Variants in PABPC4L observed in about 807,000 individuals in gnomAD.
PABPC4L encodes the protein poly(A) binding protein cytoplasmic 4 like.
For missense variants in PABPC4L, 452 were observed against 451.4 expected, an observed-to-expected ratio of 1.00 and a Z score of -0.01; for synonymous variants, 169 against 164.1, an observed-to-expected ratio of 1.03 and a Z score of -0.23.
At chr4:134,000,340 A>G in the PABPC4L span, among the ~76,000 whole-genome samples, 2 of 152,156 alleles carry the variant, frequency 1.3e-5, no homozygotes, top group Non-Finnish European at 2.9e-5. Flanking sequence ...CTAAGACTTA[A>G]ATGAAAAGTT....
At chr4:134,010,345 T>C in the PABPC4L span, among the ~76,000 whole-genome samples, 1 of 152,128 alleles carries the variant, frequency 6.6e-6, no homozygotes, top group Non-Finnish European at 1.5e-5. Flanking sequence ...CTATCAGTGA[T>C]CAATCAGAAT....
chr4:134,073,850 A>G, the PABPC4L span, among the ~76,000 whole-genome samples: 574 of 152,314 alleles, frequency 3.8e-3, 2 homozygotes, highest in African/African-American at 0.013. Flanking sequence ...CATTTTAGCC[A>G]TGGCTGAAGC....
At chr4:134,039,730 G>GCAAA in the PABPC4L span, among the ~76,000 whole-genome samples, 1 of 151,868 alleles carries the variant, frequency 6.6e-6, no homozygotes, top group Non-Finnish European at 1.5e-5. Context: ...CATGTGAGAT[G>GCAAA]GGTCTCCTGA....
chr4:134,049,911 T>A, the PABPC4L span, among the ~76,000 whole-genome samples: 1 of 152,160 alleles, frequency 6.6e-6, no homozygotes, highest in African/African-American at 2.4e-5. Context: ...TCTCATCGCA[T>A]GACTGCAGAG....
chr4:133,958,661 A>G, the PABPC4L span, among the ~76,000 whole-genome samples: 1 of 152,326 alleles, frequency 6.6e-6, no homozygotes, highest in South Asian at 2.1e-4. Context: ...ACTGACAATC[A>G]TGGTGGAAGG....
chr4:133,971,707 G>T, the PABPC4L span, among the ~76,000 whole-genome samples: 4 of 152,102 alleles, frequency 2.6e-5, no homozygotes, highest in Non-Finnish European at 4.4e-5. Context: ...CAGAGTCACA[G>T]GGCTTCTTTC....
At chr4:134,182,365 A>G in the PABPC4L span, among the ~76,000 whole-genome samples, 33 of 151,514 alleles carry the variant, frequency 2.2e-4, no homozygotes, top group Admixed American at 5.3e-4. Context: ...GGACTCTATT[A>G]TATAAATGGT....
the PABPC4L span, among the ~76,000 whole-genome samples, chr4:134,098,477 C>T: frequency 2.0e-5 from 3 of 151,322 alleles, no homozygotes; most frequent in South Asian, 2.1e-4. Flanking sequence ...AAGACATCAT[C>T]AATATTGGTG....
At chr4:134,084,276 G>A in the PABPC4L span, among the ~76,000 whole-genome samples, 518 of 152,096 alleles carry the variant, frequency 3.4e-3, 5 homozygotes, top group African/African-American at 0.012. Flanking sequence ...CAAACTCCTG[G>A]CTTCAAGCAA....
At chr4:134,118,348 G>T in the PABPC4L span, among the ~76,000 whole-genome samples, 5 of 151,732 alleles carry the variant, frequency 3.3e-5, no homozygotes, top group African/African-American at 9.7e-5. Flanking sequence ...AGCTTTTCAG[G>T]TCTATGTGGA....
the PABPC4L span, among the ~76,000 whole-genome samples, chr4:134,040,691 A>C: frequency 6.6e-6 from 1 of 152,188 alleles, no homozygotes; most frequent in Non-Finnish European, 1.5e-5. Flanking sequence ...CTAAAACACC[A>C]AAAGCAATGG....
the PABPC4L span, among the ~76,000 whole-genome samples, chr4:134,069,398 C>T: frequency 6.6e-6 from 1 of 152,122 alleles, no homozygotes; most frequent in African/African-American, 2.4e-5. Context: ...TTTTCATGGA[C>T]AATATCCTGA....
the PABPC4L span, among the ~76,000 whole-genome samples, chr4:134,130,581 T>C: frequency 2.0e-5 from 3 of 152,084 alleles, no homozygotes; most frequent in African/African-American, 4.8e-5. Context: ...GAGAGATTCA[T>C]AGCTGAATTC....
the PABPC4L span, among the ~76,000 whole-genome samples, chr4:134,162,648 T>C: frequency 6.6e-6 from 1 of 152,086 alleles, no homozygotes; most frequent in Non-Finnish European, 1.5e-5. Flanking sequence ...AATATCAAAA[T>C]CCTATCAAGT....
the PABPC4L span, among the ~76,000 whole-genome samples, chr4:134,162,699 TC>T: frequency 6.6e-6 from 1 of 152,110 alleles, no homozygotes; most frequent in Non-Finnish European, 1.5e-5. Flanking sequence ...AGAAGTCAAC[TC>T]CAAAAGGAAA....
the PABPC4L span, among the ~76,000 whole-genome samples, chr4:134,059,389 T>A: frequency 6.8e-6 from 1 of 146,128 alleles, no homozygotes; most frequent in African/African-American, 2.5e-5. Context: ...AAACAAACTA[T>A]ATATATATAT....
At chr4:134,117,765 G>A in the PABPC4L span, among the ~76,000 whole-genome samples, 3 of 151,716 alleles carry the variant, frequency 2.0e-5, no homozygotes, top group African/African-American at 7.3e-5. Context: ...AATGCAAAGA[G>A]TACAACAACA....
At chr4:134,109,139 GT>G in the PABPC4L span, among the ~76,000 whole-genome samples, 1 of 151,808 alleles carries the variant, frequency 6.6e-6, no homozygotes, top group African/African-American at 2.4e-5. Flanking sequence ...AAATATCAAG[GT>G]AGAAAAGCAA....
At chr4:134,165,919 G>A in the PABPC4L span, among the ~76,000 whole-genome samples, 1 of 152,078 alleles carries the variant, frequency 6.6e-6, no homozygotes, top group African/African-American at 2.4e-5. Flanking sequence ...AAAAAATGTG[G>A]TATACATCAT....
Sources: allele counts gnomAD v4.1 joint callset (sites outside exome capture counted in the v4.1 genomes callset), GRCh38; gene constraint gnomAD v4.1.1; transcripts MANE v1.5; gene names NCBI Gene and HGNC (gene_info 2026-07-23, HGNC 2026-07-21).